The following RBM27 variants were observed in gnomAD, a reference collection of about 807,000 sequenced individuals.
RBM27 encodes the protein RNA-binding protein 27.
RBM27 carries 22 observed loss-of-function variants against 135.3 expected under a neutral mutation model. The ratio of observed to expected loss-of-function variants is 0.16; its 90% CI spans 0.12 to 0.23. RBM27 has a LOEUF of 0.23. Among genes scored for constraint, RBM27 ranks in the 10% least tolerant of loss-of-function variants. The probability of loss-of-function intolerance (pLI) is 1.00; values close to 1 mark genes in which losing one functional copy is unlikely to be tolerated. For missense variants in RBM27, 1,009 were observed against 1,281.0 expected, an observed-to-expected ratio of 0.79 and a Z score of 3.24; for synonymous variants, 481 against 442.4, an observed-to-expected ratio of 1.09 and a Z score of -1.10.
intron 3 of RBM27, among the ~76,000 whole-genome samples, chr5:146,226,703 G>A (rs1756692443): frequency 6.6e-6 from 1 of 151,278 alleles, no homozygotes; most frequent in Non-Finnish European, 1.5e-5. Context: ...TAAAAGAACA[G>A]TTTTAAAAAA....
chr5:146,283,424 C>T (rs1759449628), intron 19 of RBM27, among the ~76,000 whole-genome samples: 1 of 152,036 alleles, frequency 6.6e-6, no homozygotes, highest in South Asian at 2.1e-4. Context: ...GTGGTCTCAG[C>T]TCCTTGGGAA....
At chr5:146,212,626 T>G (rs1756015594) in intron 1 of RBM27, among the ~76,000 whole-genome samples, 1 of 152,236 alleles carries the variant, frequency 6.6e-6, no homozygotes, top group African/African-American at 2.4e-5. Flanking sequence ...AGTGCTGGGA[T>G]TACAGGCATG....
chr5:146,280,763 T>G (rs1261964446), intron 19 of RBM27, among the ~76,000 whole-genome samples: 1 of 152,254 alleles, frequency 6.6e-6, no homozygotes, highest in Non-Finnish European at 1.5e-5. Context: ...TGAGCCCGTT[T>G]TCAGCTGAGA....
chr5:146,271,424 T>C (rs775084198), intron 18 of RBM27, 59 bp from the exon 19 acceptor site: 11 of 1,437,938 alleles, frequency 7.6e-6, no homozygotes, highest in African/African-American at 1.4e-5. Flanking sequence ...AAGTTTTCCT[T>C]TGTTTTTAAG....
intron 2 of RBM27, among the ~76,000 whole-genome samples, chr5:146,221,779 A>G (rs80096050): frequency 0.089 from 13,523 of 152,302 alleles, 750 homozygotes; most frequent in South Asian, 0.19. Flanking sequence ...ACTCAAATTT[A>G]AAGAGCTACA....
intron 3 of RBM27, among the ~76,000 whole-genome samples, chr5:146,226,768 T>G (rs1756695397): frequency 6.6e-6 from 1 of 152,170 alleles, no homozygotes; most frequent in Non-Finnish European, 1.5e-5. Context: ...ATTTTGAGAA[T>G]TGTGAAAAAT....
chr5:146,284,447 T>C (rs990507642), intron 19 of RBM27, among the ~76,000 whole-genome samples, 175 bp from the exon 20 acceptor site: 6 of 152,128 alleles, frequency 3.9e-5, no homozygotes, highest in South Asian at 4.1e-4. Flanking sequence ...CCAGAACATA[T>C]AGTTGCTCTA....
intron 19 of RBM27, among the ~76,000 whole-genome samples, chr5:146,273,220 G>A (rs1245920657): frequency 6.6e-6 from 1 of 152,152 alleles, no homozygotes; most frequent in Non-Finnish European, 1.5e-5. Context: ...TTACTAGGGA[G>A]ACAGCTACAT....
chr5:146,229,610 G>C, intron 4 of RBM27, 107 bp from the exon 5 acceptor site: 1 of 916,856 alleles, frequency 1.1e-6, no homozygotes, highest in Non-Finnish European at 1.6e-6. Context: ...TTCTAAAAAA[G>C]CATAGATATG....
At chr5:146,236,913 C>T (rs974442705) in intron 7 of RBM27, among the ~76,000 whole-genome samples, 8 of 145,794 alleles carry the variant, frequency 5.5e-5, no homozygotes, top group African/African-American at 2.0e-4. Context: ...AGCCACCGTG[C>T]CCGGCCTATG....
intron 1 of RBM27, among the ~76,000 whole-genome samples, chr5:146,211,184 G>A (rs1755925179): frequency 6.6e-6 from 1 of 151,988 alleles, no homozygotes; most frequent in African/African-American, 2.4e-5. Context: ...AGAGGCTGAG[G>A]TGGGAGGATC....
chr5:146,251,484 A>G (rs997211871), intron 8 of RBM27, among the ~76,000 whole-genome samples: 12 of 152,196 alleles, frequency 7.9e-5, no homozygotes, highest in African/African-American at 9.6e-5. Flanking sequence ...TGGAGATTAT[A>G]TATACTACTT....
intron 8 of RBM27, among the ~76,000 whole-genome samples, chr5:146,249,460 T>C (rs62372766): frequency 0.21 from 31,774 of 151,346 alleles, 4,238 homozygotes; most frequent in Admixed American, 0.33. Flanking sequence ...CCGAGGTGGG[T>C]GGATCACCTG....
At chr5:146,265,153 A>G (rs749893516) in intron 14 of RBM27, among the ~76,000 whole-genome samples, 2 of 152,188 alleles carry the variant, frequency 1.3e-5, no homozygotes, top group Non-Finnish European at 2.9e-5. Flanking sequence ...AAGGCTAGTA[A>G]TGATATACTC....
intron 2 of RBM27, among the ~76,000 whole-genome samples, chr5:146,220,294 G>A (rs1359483845): frequency 6.6e-6 from 1 of 151,940 alleles, no homozygotes; most frequent in Non-Finnish European, 1.5e-5. Flanking sequence ...TGGCCAACAC[G>A]GTGAAACCCC....
Position 146,259,276 on chromosome 5 carries a change from G to A in RBM27, c.1739+683G>A, listed in dbSNP as rs1024799691. On this transcript the variant is annotated intron_variant, in intron 11 of 20. Coordinates refer to ENST00000265271, the MANE Select transcript of RBM27 (RefSeq NM_018989.2). The stretch of plus-strand genomic sequence containing the variant: ...CACGCCTATAATCCCAGCTCTTTGG[G>A]AGGCCAAGGCGGGTGGATCACTTGA... Among the ~76,000 whole-genome samples, 8 of 152,102 alleles carry A rather than the reference G, an allele frequency of 5.3e-5. No homozygotes were observed. In the East Asian group the frequency reaches 5.8e-4, roughly 11 times the overall value.
At chr5:146,205,769 C>G (rs1248290997) in intron 1 of RBM27, among the ~76,000 whole-genome samples, 1 of 151,988 alleles carries the variant, frequency 6.6e-6, no homozygotes, top group Non-Finnish European at 1.5e-5. Context: ...GCCTGTAATC[C>G]CGACACTTTG....
rs772897119 is a variant in RBM27 at position 146,233,613 on chromosome 5, TCCAGGC to T, written c.1023_1028del (p.Pro357_Gly358del). On this transcript the variant is annotated inframe_deletion, in exon 7 of 21. Coordinates refer to ENST00000265271, the MANE Select transcript of RBM27 (RefSeq NM_018989.2). ...GAATGTTAATGCCTCCAATGCCAGGTCCAGGCCCAGGCCCGGGCCCAGGTCCAGGCC... is the reference window on the plus strand; with the variant it reads ...GAATGTTAATGCCTCCAATGCCAGGTCCAGGCCCGGGCCCAGGTCCAGGCC... 155 of 1,602,446 alleles carry T rather than the reference TCCAGGC, an allele frequency of 9.7e-5. No individual in the cohort carries two copies. The African/African-American group carries it at 1.7e-3, about 17-fold the overall frequency.
chr5:146,227,125 T>A, intron 3 of RBM27, among the ~76,000 whole-genome samples: 1 of 152,332 alleles, frequency 6.6e-6, no homozygotes, highest in Non-Finnish European at 1.5e-5. Context: ...AGACTGTTGA[T>A]CACCAGGGTA....
Sources: allele counts gnomAD v4.1 joint callset (sites outside exome capture counted in the v4.1 genomes callset), GRCh38; gene constraint gnomAD v4.1.1; transcripts MANE v1.5; gene names NCBI Gene and HGNC (gene_info 2026-07-23, HGNC 2026-07-21).